The following NOCT variants were observed in gnomAD, a reference collection of about 807,000 sequenced individuals.
The protein encoded by NOCT is nocturnin.
In NOCT, 18 loss-of-function variants were observed where a neutral mutation model predicts 35.0. That is an observed-to-expected ratio of 0.51 (90% CI 0.36 to 0.76). The LOEUF is 0.76. Ranked by LOEUF, NOCT falls within the 30% of genes least tolerant of loss-of-function variation. NOCT has a pLI of 0.01. For synonymous variants in NOCT, 235 were observed against 226.3 expected (o/e 1.04, Z -0.34); for missense variants, 479 against 541.0 (o/e 0.89, Z 1.14).
intron 1 of NOCT, among the ~76,000 whole-genome samples, chr4:139,035,182 A>C (rs1292956376): frequency 6.6e-6 from 1 of 152,048 alleles, no homozygotes; most frequent in Non-Finnish European, 1.5e-5. Context: ...GCTGGAGTGC[A>C]GTGGCATGAT....
In NOCT at chr4:139,015,989, A is replaced by G. The variant is rs892333537; in HGVS notation, c.8A>G (p.His3Arg). The G allele has an allele frequency of 3.6e-6, 5 of 1,375,246 alleles. No individual in the cohort carries two copies. Among genetic ancestry groups the G allele is most frequent in the Non-Finnish European group, 4.7e-6 (5 of 1,066,760 alleles). 85.2% of individuals were successfully genotyped at this position (1,375,246 alleles called of 1,614,324 possible). The change falls in exon 1 of 3, where the codon CAT becomes CGT. Residue 3 changes from histidine (H) to arginine (R), a missense_variant. By Grantham distance (29) the His-to-Arg change is conservative (BLOSUM62 0). Around this residue, in one of 2 missense-constraint regions of NOCT, gnomAD observed 265 missense variants for 257.0 expected, o/e 1.03. Transcript: ENST00000280614. The stretch of plus-strand genomic sequence containing the variant: ...GTGGCGGCGGCGCCCGGCATGTTTC[A>G]TAGTCCGCGGCGGCTCTGCTCGGCC... MF[H>R]SPRRLCSALL... is the part of the protein sequence containing the mutation.
At chr4:139,040,933 CTT>C (rs1350966548) in intron 1 of NOCT, among the ~76,000 whole-genome samples, 1 of 152,044 alleles carries the variant, frequency 6.6e-6, no homozygotes, top group Non-Finnish European at 1.5e-5. Context: ...AGAAGAAAGA[CTT>C]TCAAAACTTG....
chr4:139,022,051 G>A (rs941284261), intron 1 of NOCT, among the ~76,000 whole-genome samples: 4 of 152,086 alleles, frequency 2.6e-5, no homozygotes, highest in East Asian at 1.9e-4. Context: ...GAGCCACCAC[G>A]CCCGGCCACT....
intron 1 of NOCT, among the ~76,000 whole-genome samples, chr4:139,019,932 T>G (rs1270677796): frequency 6.6e-6 from 1 of 152,218 alleles, no homozygotes; most frequent in Non-Finnish European, 1.5e-5. Context: ...CTTTTTTTCA[T>G]GGTACAATTT....
In NOCT at chr4:139,020,067, A is replaced by G. The variant is rs559701241; in HGVS notation, c.190+3896A>G. ...CTTGTCATTATCAAGCTGCTATGGA[A>G]TAAATTGCTTTCCTTGTGGGAAAAC... On this transcript the variant is annotated intron_variant, in intron 1 of 2. Transcript: ENST00000280614. Among the ~76,000 whole-genome samples the G allele has an allele frequency of 2.6e-5, 4 of 152,352 alleles. No homozygotes were observed. The South Asian group carries it at 8.3e-4, about 32-fold the overall frequency.
intron 1 of NOCT, among the ~76,000 whole-genome samples, chr4:139,024,673 C>G (rs1220925828): frequency 6.6e-6 from 1 of 152,170 alleles, no homozygotes. Context: ...CTCACTGCAG[C>G]CTCCATCAAC....
chr4:139,025,645 A>G (rs1726498800), intron 1 of NOCT, among the ~76,000 whole-genome samples: 1 of 152,158 alleles, frequency 6.6e-6, no homozygotes, highest in Non-Finnish European at 1.5e-5. Flanking sequence ...TACTAAAAAT[A>G]CAAAAATTAG....
At chr4:139,019,688 A>AC (rs1726374949) in intron 1 of NOCT, among the ~76,000 whole-genome samples, 2 of 152,156 alleles carry the variant, frequency 1.3e-5, no homozygotes, top group Non-Finnish European at 2.9e-5. Context: ...CTTTGGAGTT[A>AC]TCAGATTCCA....
At chr4:139,024,581 A>G (rs111944072) in intron 1 of NOCT, among the ~76,000 whole-genome samples, 9,563 of 151,718 alleles carry the variant, frequency 0.063, 357 homozygotes, top group African/African-American at 0.086. Context: ...GGAGTTTTGC[A>G]TGTTGTTTTA....
chr4:139,025,924 G>A (rs1230367232), intron 1 of NOCT, among the ~76,000 whole-genome samples: 1 of 152,024 alleles, frequency 6.6e-6, no homozygotes, highest in Non-Finnish European at 1.5e-5. Flanking sequence ...CCAATGATAT[G>A]CAACATATTC....
Position 139,015,818 on chromosome 4 carries a change from C to A in NOCT, c.-164C>A. 2.1e-6 allele frequency: 1 copy of A among 487,252 alleles called. No individual in the cohort carries two copies. Among genetic ancestry groups the A allele is most frequent in the Non-Finnish European group, 3.1e-6 (1 of 318,470 alleles). The allele number at this position is 487,252 out of a possible 1,614,324, so 30.2% of individuals were successfully genotyped here. The stretch of plus-strand genomic sequence containing the variant: ...CGCAGCGGTGTTGCACCTCCCTCTC[C>A]GGCTCTGCTGCCCGGGATTTCCCCA... On this transcript the variant is annotated 5_prime_UTR_variant, in exon 1 of 3. Transcript: ENST00000280614.
intron 1 of NOCT, among the ~76,000 whole-genome samples, chr4:139,020,790 G>T (rs1032242487): frequency 2.6e-5 from 4 of 152,100 alleles, no homozygotes; most frequent in African/African-American, 9.7e-5. Flanking sequence ...GTCTGGCCGG[G>T]CACAGTGGTT....
chr4:139,020,468 C>G (rs1578623897), intron 1 of NOCT, among the ~76,000 whole-genome samples: 2 of 152,076 alleles, frequency 1.3e-5, no homozygotes, highest in South Asian at 4.1e-4. Flanking sequence ...CAGAGAAGAC[C>G]ACACACACAA....
At chr4:139,024,424 A>AT (rs1560729814) in intron 1 of NOCT, among the ~76,000 whole-genome samples, 1 of 152,284 alleles carries the variant, frequency 6.6e-6, no homozygotes, top group East Asian at 1.9e-4. Context: ...TTCTGCAGTC[A>AT]TTTTAAATTC....
Position 139,044,705 on chromosome 4 carries a change from A to G in NOCT, c.527A>G (p.Lys176Arg), listed in dbSNP as rs150676868. ...PVEALKWEERKCLILEEILAY... is the reference protein window; with the variant it reads ...PVEALKWEERRCLILEEILAY... ...GAAGCACTCAAATGGGAAGAAAGGAAATGTCTCATCCTGGAAGAAATCCTG... is the reference window on the plus strand; with the variant it reads ...GAAGCACTCAAATGGGAAGAAAGGAGATGTCTCATCCTGGAAGAAATCCTG... Residue 176 changes from lysine to arginine, a missense_variant, in exon 3 of 3, where the codon AAA becomes AGA. By Grantham distance (26) the Lys-to-Arg change is conservative. Coordinates refer to ENST00000280614, the MANE Select transcript of NOCT (RefSeq NM_012118.4). 1.1e-3 allele frequency: 1,744 copies of G among 1,614,202 alleles called. 4 individuals are homozygous for G. Among genetic ancestry groups the G allele is most frequent in the Non-Finnish European group, 1.4e-3 (1,606 of 1,180,028 alleles).
At chr4:139,036,826 G>T (rs1726745525) in intron 1 of NOCT, among the ~76,000 whole-genome samples, 1 of 152,176 alleles carries the variant, frequency 6.6e-6, no homozygotes, top group Non-Finnish European at 1.5e-5. Context: ...TATGGGATTG[G>T]ATTAAATTAA....
At chr4:139,021,023 C>T (rs1291739565) in intron 1 of NOCT, among the ~76,000 whole-genome samples, 3 of 148,092 alleles carry the variant, frequency 2.0e-5, no homozygotes, top group South Asian at 4.3e-4. Flanking sequence ...GCCGAGATTG[C>T]GCCATTGCAC....
intron 1 of NOCT, among the ~76,000 whole-genome samples, chr4:139,026,711 C>T (rs557893104): frequency 6.6e-6 from 1 of 151,566 alleles, no homozygotes; most frequent in African/African-American, 2.4e-5. Context: ...CCGTCACACC[C>T]AACTAATTTT....
chr4:139,031,824 T>A (rs1384383651), intron 1 of NOCT, among the ~76,000 whole-genome samples: 1 of 152,030 alleles, frequency 6.6e-6, no homozygotes, highest in Non-Finnish European at 1.5e-5. Flanking sequence ...GAGATTCTCC[T>A]GCCTCAGCCT....
Sources: gnomAD v4.1 joint callset for allele counts (sites outside exome capture counted in the v4.1 genomes callset) on GRCh38, gnomAD v4.1.1 for gene constraint, gnomAD v4.1.1 regional missense constraint, MANE v1.5 for transcripts, NCBI Gene and HGNC (gene_info 2026-07-23, HGNC 2026-07-21) for gene names.